CCDC152: variants seen among roughly 807,000 people sequenced by gnomAD.
The protein encoded by CCDC152 is coiled-coil domain containing 152.
CCDC152 carries 37 observed loss-of-function variants against 38.1 expected under a neutral mutation model. The ratio of observed to expected loss-of-function variants is 0.97; its 90% CI spans 0.75 to 1.28. CCDC152 has a LOEUF of 1.28. Among genes scored for constraint, CCDC152 ranks in the 50% most tolerant of loss-of-function variants. CCDC152 has a pLI of 0.00. For synonymous variants in CCDC152, 83 were observed against 87.1 expected (o/e 0.95, Z 0.26); for missense variants, 259 against 292.1 (o/e 0.89, Z 0.83).
chr5:42,790,084 A>C (rs2111586485), intron 6 of CCDC152, among the ~76,000 whole-genome samples: 1 of 152,354 alleles, frequency 6.6e-6, no homozygotes, highest in South Asian at 2.1e-4. Context: ...ATATCCAAAA[A>C]TATATAAAGA....
rs183820387 is a variant in CCDC152, at chr5:42,798,275, C to T, written c.559-1100C>T. Among the ~76,000 whole-genome samples, 8 of 152,258 alleles carry T rather than the reference C, an allele frequency of 5.3e-5. 1 individual carries two copies. The highest frequency in any genetic ancestry group is 5.2e-4 in the Admixed American group (8 of 15,286). ...TCAATCTACCCTTCCATCATTCTTC[C>T]GTTGCTTCCCCCCACCCCAACTTTC... On this transcript the variant is annotated intron_variant, in intron 7 of 8. Transcript: ENST00000361970.
Position 42,801,339 on chromosome 5 carries a change from A to C in CCDC152, c.*1558A>C. On this transcript the variant is annotated 3_prime_UTR_variant, in exon 9 of 9. Coordinates refer to ENST00000361970, the MANE Select transcript of CCDC152 (RefSeq NM_001134848.2). Reference sequence around the variant, plus strand: ...GTCTTCATCTTTGAGAGTCTGGAACAAATTTATAAATCACTTTTTAACAAG... The same window carrying C: ...GTCTTCATCTTTGAGAGTCTGGAACCAATTTATAAATCACTTTTTAACAAG... 6.3e-7 allele frequency: 1 copy of C among 1,582,344 alleles called. No individual in the cohort carries two copies. Among genetic ancestry groups the C allele is most frequent in the Non-Finnish European group, 8.6e-7 (1 of 1,165,876 alleles).
At chr5:42,789,634 A>T (rs1759971952) in intron 6 of CCDC152, among the ~76,000 whole-genome samples, 1 of 152,174 alleles carries the variant, frequency 6.6e-6, no homozygotes, top group African/African-American at 2.4e-5. Context: ...ATAAAATTAA[A>T]ATTAGTATTA....
chr5:42,770,462 A>AGCT (rs1286648326), intron 4 of CCDC152, among the ~76,000 whole-genome samples: 2 of 151,632 alleles, frequency 1.3e-5, no homozygotes, highest in Non-Finnish European at 2.9e-5. Context: ...TACCACACCC[A>AGCT]GCTGGGTTCT....
intron 6 of CCDC152, among the ~76,000 whole-genome samples, chr5:42,795,798 T>C (rs530693594): frequency 9.9e-5 from 15 of 152,134 alleles, no homozygotes; most frequent in African/African-American, 3.1e-4. Flanking sequence ...CGCGTATGTT[T>C]ATTGCGGCAC....
At chr5:42,768,764 C>T (rs1341359503) in intron 3 of CCDC152, among the ~76,000 whole-genome samples, 1 of 152,128 alleles carries the variant, frequency 6.6e-6, no homozygotes, top group Non-Finnish European at 1.5e-5. Flanking sequence ...AATTTGACTC[C>T]CTTTCCTTAG....
intron 6 of CCDC152, among the ~76,000 whole-genome samples, chr5:42,795,171 A>G (rs1393883669): frequency 6.6e-6 from 1 of 152,220 alleles, no homozygotes; most frequent in Non-Finnish European, 1.5e-5. Context: ...TACCTAAAAT[A>G]CAAAACTATA....
intron 5 of CCDC152, among the ~76,000 whole-genome samples, chr5:42,782,414 T>C (rs1241758023): frequency 6.6e-6 from 1 of 152,142 alleles, no homozygotes. Context: ...AAAGCAAAGA[T>C]AAAAAAAGAC....
intron 7 of CCDC152, among the ~76,000 whole-genome samples, chr5:42,798,448 G>A (rs1760109441): frequency 6.6e-6 from 1 of 152,142 alleles, no homozygotes; most frequent in Non-Finnish European, 1.5e-5. Flanking sequence ...GATACCCTTT[G>A]CTGCTGGTGC....
intron 2 of CCDC152, among the ~76,000 whole-genome samples, chr5:42,761,478 G>A (rs1366805521): frequency 1.3e-5 from 2 of 152,126 alleles, no homozygotes; most frequent in Admixed American, 1.3e-4. Context: ...AGCCGGGTGT[G>A]GTGGCGTGCC....
intron 3 of CCDC152, among the ~76,000 whole-genome samples, chr5:42,763,403 T>A (rs765620646): frequency 2.0e-5 from 3 of 152,170 alleles, no homozygotes; most frequent in Non-Finnish European, 4.4e-5. Context: ...TATTTTGCCC[T>A]CGAGGAGGAA....
intron 5 of CCDC152, among the ~76,000 whole-genome samples, chr5:42,780,639 A>C (rs1232114427): frequency 5.3e-5 from 8 of 152,174 alleles, no homozygotes; most frequent in African/African-American, 1.9e-4. Flanking sequence ...CCACAACCCA[A>C]GAGTCTGAAT....
chr5:42,790,070 G>A (rs894433432), intron 6 of CCDC152, among the ~76,000 whole-genome samples: 1 of 152,128 alleles, frequency 6.6e-6, no homozygotes, highest in African/African-American at 2.4e-5. Flanking sequence ...TTGATAAAGG[G>A]TTTATATCCA....
intron 6 of CCDC152, among the ~76,000 whole-genome samples, chr5:42,786,336 T>A (rs1759921159): frequency 6.6e-6 from 1 of 152,144 alleles, no homozygotes; most frequent in African/African-American, 2.4e-5. Flanking sequence ...AATTTCAGTT[T>A]CTTCCTGGTT....
chr5:42,761,150 G>C (rs576813651), intron 2 of CCDC152, among the ~76,000 whole-genome samples: 1 of 152,274 alleles, frequency 6.6e-6, no homozygotes, highest in East Asian at 1.9e-4. Flanking sequence ...GCTATTTGAA[G>C]AGTATATGGA....
chr5:42,758,488 A>C (rs1759509725), intron 1 of CCDC152, among the ~76,000 whole-genome samples: 1 of 152,218 alleles, frequency 6.6e-6, no homozygotes. Context: ...TTTACATTAC[A>C]TCTGAAGATG....
chr5:42,793,383 G>A (rs1052289522), intron 6 of CCDC152, among the ~76,000 whole-genome samples: 6 of 152,006 alleles, frequency 3.9e-5, no homozygotes, highest in African/African-American at 1.2e-4. Context: ...TATGGTCCTC[G>A]AAACTCCTCA....
At chr5:42,777,164 A>G (rs74706906) in intron 4 of CCDC152, among the ~76,000 whole-genome samples, 2,727 of 152,254 alleles carry the variant, frequency 0.018, 142 homozygotes, top group South Asian at 0.18. Flanking sequence ...TAGCCAGATG[A>G]ACTAAGGAAA....
chr5:42,787,686 G>A (rs761935339), intron 6 of CCDC152, among the ~76,000 whole-genome samples: 1 of 152,026 alleles, frequency 6.6e-6, no homozygotes, highest in African/African-American at 2.4e-5. Flanking sequence ...CTGAATTGAA[G>A]CCTTTATCAT....
Sources: gnomAD v4.1 joint callset for allele counts (sites outside exome capture counted in the v4.1 genomes callset) on GRCh38, gnomAD v4.1.1 for gene constraint, MANE v1.5 for transcripts, NCBI Gene and HGNC (gene_info 2026-07-23, HGNC 2026-07-21) for gene names.